Variants in CACNA1A observed in about 807,000 individuals in gnomAD.
CACNA1A encodes calcium voltage-gated channel subunit alpha1 A.
CACNA1A carries 57 observed loss-of-function variants against 262.4 expected under a neutral mutation model. The observed-to-expected ratio is 0.22, with a 90% CI of 0.18 to 0.27. The LOEUF is 0.27. Ranked by LOEUF, CACNA1A falls within the 10% of genes least tolerant of loss-of-function variation. CACNA1A has a pLI of 1.00. For synonymous variants in CACNA1A, 1,431 were observed against 1,419.3 expected, an observed-to-expected ratio of 1.01 and a Z score of -0.18; for missense variants, 2,526 against 3,562.8, an observed-to-expected ratio of 0.71 and a Z score of 7.41.
At chr19:13,259,760 CTT>C in intron 26 of CACNA1A, 59 bp from the exon 27 acceptor site, 3 of 1,580,926 alleles carry the variant, frequency 1.9e-6, no homozygotes, top group Non-Finnish European at 2.6e-6. Flanking sequence ...TTGCACTTGT[CTT>C]TGGTTATCAG....
At chr19:13,464,465 C>T (rs1203872623) in intron 1 of CACNA1A, among the ~76,000 whole-genome samples, 1 of 151,038 alleles carries the variant, frequency 6.6e-6, no homozygotes, top group Non-Finnish European at 1.5e-5. Context: ...AAACAGGATA[C>T]AATTTATCTC....
rs766027931 is a variant in CACNA1A, at chr19:13,286,577, G to T, written c.3479C>A (p.Ala1160Asp). 6.5e-7 allele frequency: 1 copy of T among 1,548,780 alleles called. No individual in the cohort carries two copies. The highest frequency in any genetic ancestry group is 1.3e-5 in the South Asian group (1 of 78,854). Residue 1160 changes from alanine to aspartate, a missense_variant, in exon 20 of 47, where the codon GCC becomes GAC. By Grantham distance (126) the Ala-to-Asp change is moderately radical. This residue lies in a region of CACNA1A where 765 missense variants were observed against 748.6 expected (regional missense o/e 1.02). Coordinates refer to ENST00000360228, the MANE Select transcript of CACNA1A (RefSeq NM_001127222.2). ...CACTGTGGTGTGGTCGGGTTTCCTGGCAGTCTTAGCTGAATTGGTCTGGGT... is the reference window on the plus strand; with the variant it reads ...CACTGTGGTGTGGTCGGGTTTCCTGTCAGTCTTAGCTGAATTGGTCTGGGT... ...SGTQTNSAKT[A>D]RKPDHTTVDI...
intron 1 of CACNA1A, among the ~76,000 whole-genome samples, chr19:13,476,933 C>G (rs939995978): frequency 7.2e-5 from 11 of 152,134 alleles, no homozygotes; most frequent in African/African-American, 2.7e-4. Flanking sequence ...CTATGAATAT[C>G]TGAGTCAGGT....
chr19:13,452,623 G>C (rs1243716772), intron 3 of CACNA1A: 3 of 333,342 alleles, frequency 9.0e-6, no homozygotes, highest in Non-Finnish European at 1.6e-5. Flanking sequence ...GATTAAATTA[G>C]AGAATGGGCA....
At chr19:13,320,096 C>T (rs527932043) in intron 10 of CACNA1A, among the ~76,000 whole-genome samples, 2 of 152,262 alleles carry the variant, frequency 1.3e-5, no homozygotes, top group South Asian at 4.2e-4. Context: ...AGTGGCAGCT[C>T]CTCATGACCC....
chr19:13,276,138 G>GC (rs1184470487), intron 23 of CACNA1A, among the ~76,000 whole-genome samples, 182 bp from the exon 24 acceptor site: 2 of 152,170 alleles, frequency 1.3e-5, no homozygotes, highest in Non-Finnish European at 2.9e-5. Context: ...CCATGAGGCG[G>GC]CCCCCCTTTG....
chr19:13,336,588 A>AGAGAGGGAGAGAGAGGGAGAGAGAGG (rs1568547284), intron 6 of CACNA1A, among the ~76,000 whole-genome samples: 24 of 83,412 alleles, frequency 2.9e-4, no homozygotes, highest in African/African-American at 9.3e-4. Flanking sequence ...AGACAGAGAG[A>AGAGAGGGAGAGAGAGGGAGAGAGAGG]GAGAGGGAGA....
rs139741364 is a variant in CACNA1A, at chr19:13,239,407, G to A, written c.4951-3677C>T. ...TGCTGCTCATCCTTCAGCTCGCAGT[G>A]CAGGTATAATTTTAAGTGGAGTCAA... On this transcript the variant is annotated intron_variant, in intron 31 of 46. Coordinates refer to ENST00000360228, the MANE Select transcript of CACNA1A (RefSeq NM_001127222.2). 1.3e-3 allele frequency among the ~76,000 whole-genome samples: 203 copies of A among 152,302 alleles called. 1 individual carries two copies. Among genetic ancestry groups the A allele is most frequent in the African/African-American group, 4.7e-3 (196 of 41,566 alleles).
At chr19:13,234,273 C>A (rs1388249469) in intron 34 of CACNA1A, among the ~76,000 whole-genome samples, 4 of 138,370 alleles carry the variant, frequency 2.9e-5, no homozygotes, top group Admixed American at 7.6e-5. Context: ...TGGCGTGAAC[C>A]CGGGAGGCGG....
intron 31 of CACNA1A, among the ~76,000 whole-genome samples, chr19:13,238,527 A>G (rs770008136): frequency 6.6e-5 from 10 of 151,186 alleles, no homozygotes; most frequent in Non-Finnish European, 1.5e-4. Flanking sequence ...CAAACTTGCT[A>G]TGCCCACACC....
Position 13,230,129 on chromosome 19 carries a change from G to A in CACNA1A, c.5481C>T (p.His1827=), listed in dbSNP as rs757125503. The change falls in exon 36 of 47, where the codon CAC becomes CAT. Residue 1827 remains histidine, a synonymous_variant. Transcript: ENST00000360228. ...TRDSSILGPH[H]LDEYVRVWAE... The stretch of plus-strand genomic sequence containing the variant: ...CCCAGACACGCACGTACTCATCCAG[G>A]TGGTGGGGGCCCAGGATGGAGGAGT... 2 of 1,613,908 alleles carry A rather than the reference G, an allele frequency of 1.2e-6. No individual in the cohort carries two copies. Among genetic ancestry groups the A allele is most frequent in the Non-Finnish European group, 8.5e-7 (1 of 1,179,882 alleles).
chr19:13,480,118 T>C (rs1273042496), intron 1 of CACNA1A, among the ~76,000 whole-genome samples: 1 of 152,232 alleles, frequency 6.6e-6, no homozygotes, highest in African/African-American at 2.4e-5. Context: ...TTGTAGCATA[T>C]ATAGTTGACC....
chr19:13,249,499 G>A (rs2056338497), intron 30 of CACNA1A, among the ~76,000 whole-genome samples: 1 of 152,052 alleles, frequency 6.6e-6, no homozygotes, highest in Admixed American at 6.6e-5. Context: ...GGGACTGCAG[G>A]TGCACGCCAC....
chr19:13,450,268 G>A (rs1217279074), intron 3 of CACNA1A: 1 of 150,990 alleles, frequency 6.6e-6, no homozygotes, highest in African/African-American at 2.4e-5. Context: ...TCTTACTGTT[G>A]ATCAAACATG....
chr19:13,359,374 T>A (rs1415539364), intron 6 of CACNA1A, among the ~76,000 whole-genome samples: 1 of 152,196 alleles, frequency 6.6e-6, no homozygotes, highest in African/African-American at 2.4e-5. Flanking sequence ...AAAATGATGT[T>A]GCATCTGGGG....
intron 15 of CACNA1A, 93 bp from the exon 16 acceptor site, chr19:13,303,977 TC>T: frequency 1.1e-6 from 1 of 888,902 alleles, no homozygotes; most frequent in Non-Finnish European, 1.8e-6. Context: ...GCCCACCCCA[TC>T]CCCGAGCCCA....
At chr19:13,413,138 G>A (rs139118504) in intron 3 of CACNA1A, among the ~76,000 whole-genome samples, 3,575 of 149,178 alleles carry the variant, frequency 0.024, 164 homozygotes, top group East Asian at 0.21. Flanking sequence ...GGTGTCTCGC[G>A]CTCTGTCGCC....
chr19:13,299,359 GTGGCATGGTC>G lies in CACNA1A; in HGVS notation c.2280-16_2280-7del, dbSNP rs756552078. On this transcript the variant is annotated splice_polypyrimidine_tract_variant and splice_region_variant and intron_variant, in intron 18 of 46. Coordinates refer to ENST00000360228, the MANE Select transcript of CACNA1A (RefSeq NM_001127222.2). ...GATTCTTCTGTTGCTCTTTCCTGCA[GTGGCATGGTC>G]ACAGGACTTAGAGCATTGCTAGGCA... 30 of 1,599,054 alleles carry G rather than the reference GTGGCATGGTC, an allele frequency of 1.9e-5. 2 individuals carry two copies. In the South Asian group the frequency reaches 3.2e-4, roughly 17 times the overall value.
At chr19:13,428,679 C>A (rs1409372368) in intron 3 of CACNA1A, among the ~76,000 whole-genome samples, 2 of 152,076 alleles carry the variant, frequency 1.3e-5, no homozygotes, top group East Asian at 3.9e-4. Context: ...AAGGGAAAAG[C>A]CAGAATTTTC....
Sources: allele counts gnomAD v4.1 joint callset (sites outside exome capture counted in the v4.1 genomes callset), GRCh38; gene constraint gnomAD v4.1.1; regional missense constraint gnomAD v4.1.1; transcripts MANE v1.5; gene names NCBI Gene and HGNC (gene_info 2026-07-23, HGNC 2026-07-21).